GLT8D2: variants seen among roughly 807,000 people sequenced by gnomAD.
GLT8D2 encodes the protein glycosyltransferase 8 domain containing 2.
Under a neutral mutation model 44.5 loss-of-function variants are expected in GLT8D2, and 45 were observed. The ratio of observed to expected loss-of-function variants is 1.01; its 90% CI spans 0.80 to 1.30. The LOEUF is 1.30. GLT8D2 is among the 50% of genes most tolerant of loss of function. The probability of loss-of-function intolerance (pLI) is 0.00; values close to 1 mark genes in which losing one functional copy is unlikely to be tolerated. For missense variants in GLT8D2, 400 were observed against 430.4 expected, an observed-to-expected ratio of 0.93 and a Z score of 0.62; for synonymous variants, 156 against 157.2, an observed-to-expected ratio of 0.99 and a Z score of 0.06.
chr12:104,041,036 G>T (rs1880493159), intron 1 of GLT8D2, among the ~76,000 whole-genome samples: 1 of 151,764 alleles, frequency 6.6e-6, no homozygotes, highest in South Asian at 2.1e-4. Context: ...GGAGGCCTAG[G>T]TGGGCAGATC....
At position 104,015,070 on chromosome 12, in the gene GLT8D2, G is replaced by GGGTC; in HGVS notation, c.51_54dup (p.Leu19AspfsTer8). The GGGTC allele has an allele frequency of 1.2e-6, 2 of 1,613,846 alleles. No individual in the cohort carries two copies. Among genetic ancestry groups the GGGTC allele is most frequent in the South Asian group, 1.1e-5 (1 of 91,084 alleles). On this transcript the variant is annotated frameshift_variant, in exon 4 of 11. Transcript: ENST00000360814. LOFTEE classifies it high-confidence loss of function. ...ACTTTCTTATACAGAATCACACAGA[G>GGGTC]GGTCACGATCAGAAGGAACAGCAGC...
intron 1 of GLT8D2, among the ~76,000 whole-genome samples, chr12:104,061,996 G>A (rs899537147): frequency 3.3e-5 from 5 of 149,440 alleles, no homozygotes. Context: ...AAAAAAAAAT[G>A]GGTTAATACT....
At chr12:104,019,791 A>AT (rs1177511845) in intron 2 of GLT8D2, 115 bp from the exon 3 acceptor site, 3 of 583,060 alleles carry the variant, frequency 5.1e-6, no homozygotes, top group Non-Finnish European at 8.8e-6. Flanking sequence ...GTGTGTGATC[A>AT]TTTTTTACTG....
chr12:104,009,897 A>G (rs1875595971), intron 4 of GLT8D2, among the ~76,000 whole-genome samples: 1 of 152,156 alleles, frequency 6.6e-6, no homozygotes, highest in Admixed American at 6.5e-5. Context: ...CATGATTCTG[A>G]GGCCTCCCCA....
At chr12:104,060,618 G>A (rs752361633) in intron 1 of GLT8D2, among the ~76,000 whole-genome samples, 1 of 152,132 alleles carries the variant, frequency 6.6e-6, no homozygotes, top group Non-Finnish European at 1.5e-5. Context: ...TATAACTAGT[G>A]AATTTATAAT....
intron 10 of GLT8D2, among the ~76,000 whole-genome samples, chr12:103,991,574 C>A (rs1464262298): frequency 6.6e-6 from 1 of 152,194 alleles, no homozygotes; most frequent in African/African-American, 2.4e-5. Flanking sequence ...CTCTGCATAA[C>A]TGTTCCTACA....
chr12:103,992,539 C>G (rs1044457957), intron 10 of GLT8D2, among the ~76,000 whole-genome samples: 1 of 147,472 alleles, frequency 6.8e-6, no homozygotes, highest in African/African-American at 2.5e-5. Context: ...GTCGCCCAGG[C>G]TGGAGTGCAG....
chr12:104,000,586 G>C (rs1378211961), intron 5 of GLT8D2, among the ~76,000 whole-genome samples: 2 of 152,196 alleles, frequency 1.3e-5, no homozygotes, highest in African/African-American at 4.8e-5. Context: ...AGACTGGACA[G>C]CAAGAACTGG....
At chr12:104,037,643 G>A (rs887146741) in intron 1 of GLT8D2, among the ~76,000 whole-genome samples, 1 of 152,254 alleles carries the variant, frequency 6.6e-6, no homozygotes, top group Non-Finnish European at 1.5e-5. Flanking sequence ...TGAAATTGAG[G>A]CAATAATTAA....
chr12:104,011,257 C>T (rs1269730880), intron 4 of GLT8D2, among the ~76,000 whole-genome samples: 6 of 152,140 alleles, frequency 3.9e-5, no homozygotes, highest in African/African-American at 9.7e-5. Flanking sequence ...ATTCATTGTA[C>T]CAACTGGTGC....
At chr12:104,025,067 CA>C (rs34885430) in intron 1 of GLT8D2, among the ~76,000 whole-genome samples, 3,067 of 67,178 alleles carry the variant, frequency 0.046, 43 homozygotes, top group African/African-American at 0.14. Flanking sequence ...GAGACTTTGT[CA>C]AAAAAAAAAA....
intron 1 of GLT8D2, among the ~76,000 whole-genome samples, chr12:104,022,769 CAT>C (rs1555279692): frequency 2.6e-5 from 4 of 151,012 alleles, no homozygotes; most frequent in South Asian, 2.1e-4. Context: ...CACACACACA[CAT>C]GCACACACAC....
intron 1 of GLT8D2, among the ~76,000 whole-genome samples, chr12:104,024,808 T>C (rs2136400828): frequency 6.6e-6 from 1 of 152,292 alleles, no homozygotes. Flanking sequence ...CTGTGGCTCA[T>C]GCCTGTAATC....
rs1355041675 is a variant in GLT8D2, at chr12:103,993,263, G to C, written c.880+129C>G. ...GGTGAATTGCTTGAACCCAGGAAGC[G>C]GAGGTTCCAGTGAGCCGAGATCACG... On this transcript the variant is annotated intron_variant, in intron 10 of 10. Coordinates refer to ENST00000360814, the MANE Select transcript of GLT8D2 (RefSeq NM_001384711.1). 13 of 717,094 alleles carry C rather than the reference G, an allele frequency of 1.8e-5. No homozygotes were observed. In the East Asian group the frequency reaches 3.6e-4, roughly 20 times the overall value. 44.4% of individuals were successfully genotyped at this position (717,094 alleles called of 1,614,324 possible).
chr12:103,990,385 A>G (rs1364755755), intron 10 of GLT8D2, among the ~76,000 whole-genome samples: 1 of 152,032 alleles, frequency 6.6e-6, no homozygotes, highest in African/African-American at 2.4e-5. Context: ...ATCTATCTCC[A>G]CCTGAACATT....
At chr12:104,060,947 A>G (rs918804840) in intron 1 of GLT8D2, among the ~76,000 whole-genome samples, 2 of 151,874 alleles carry the variant, frequency 1.3e-5, no homozygotes, top group African/African-American at 4.8e-5. Context: ...AAAAGAAGAG[A>G]CAGACACACA....
At chr12:104,005,534 A>G (rs1169326852) in intron 4 of GLT8D2, among the ~76,000 whole-genome samples, 3 of 152,238 alleles carry the variant, frequency 2.0e-5, no homozygotes, top group Non-Finnish European at 1.5e-5. Flanking sequence ...ACAAATTTAC[A>G]AGAAAAAAAC....
chr12:104,015,214 G>T, intron 3 of GLT8D2, 109 bp from the exon 4 acceptor site: 1 of 739,008 alleles, frequency 1.4e-6, no homozygotes. Flanking sequence ...CAGAGGAGTG[G>T]TATCTGAGAC....
At chr12:104,016,860 AAG>A (rs1391137525) in intron 3 of GLT8D2, among the ~76,000 whole-genome samples, 29 of 151,132 alleles carry the variant, frequency 1.9e-4, no homozygotes, top group African/African-American at 2.7e-4. Flanking sequence ...GAAAGAAAGA[AAG>A]AAAGAAAGAA....
Sources: allele counts gnomAD v4.1 joint callset (sites outside exome capture counted in the v4.1 genomes callset), GRCh38; gene constraint gnomAD v4.1.1; transcripts MANE v1.5; gene names NCBI Gene and HGNC (gene_info 2026-07-23, HGNC 2026-07-21).